Variants in TSEN54 observed in about 807,000 individuals in gnomAD.
TSEN54 encodes the protein tRNA splicing endonuclease subunit 54.
Under a neutral mutation model 61.9 loss-of-function variants are expected in TSEN54, and 55 were observed. The observed-to-expected ratio is 0.89, with a 90% CI of 0.72 to 1.11. TSEN54 has a LOEUF of 1.11. Ranked by LOEUF, TSEN54 falls within the 50% of genes most tolerant of loss-of-function variation. The probability of loss-of-function intolerance (pLI) is 0.00; values close to 1 mark genes in which losing one functional copy is unlikely to be tolerated. For synonymous variants in TSEN54, 304 were observed against 288.7 expected (o/e 1.05, Z -0.54); for missense variants, 760 against 687.7 (o/e 1.11, Z -1.18).
intron 8 of TSEN54, 189 bp downstream of exon 8, chr17:75,522,522 G>T: frequency 6.8e-7 from 1 of 1,467,330 alleles, no homozygotes; most frequent in Non-Finnish European, 9.0e-7. Flanking sequence ...CTTAGAGATG[G>T]TGAGTCAGGA....
At chr17:75,517,381 G>A (rs2053383720) in intron 4 of TSEN54, 137 bp downstream of exon 4, 2 of 1,194,874 alleles carry the variant, frequency 1.7e-6, no homozygotes, top group Admixed American at 1.9e-5. Context: ...GTGGTACGTT[G>A]CAGGGAGCAG....
At chr17:75,523,242 C>G in intron 8 of TSEN54, 33 bp from the exon 9 acceptor site, 1 of 1,614,032 alleles carries the variant, frequency 6.2e-7, no homozygotes. Flanking sequence ...TGTGACTCCC[C>G]TCCCCAGTAC....
At chr17:75,517,473 A>G in intron 4 of TSEN54, 84 bp from the exon 5 acceptor site, 6 of 1,272,854 alleles carry the variant, frequency 4.7e-6, no homozygotes, top group African/African-American at 1.5e-5. Context: ...GGGGAGGGGG[A>G]GGTATCAGAG....
chr17:75,518,143 A>G (rs2053392992), intron 5 of TSEN54, among the ~76,000 whole-genome samples: 1 of 152,218 alleles, frequency 6.6e-6, no homozygotes, highest in Non-Finnish European at 1.5e-5. Context: ...AGACCAGTCG[A>G]AAGAACTGTG....
In TSEN54 at chr17:75,516,746, C is replaced by T. The variant is rs779657660; in HGVS notation, c.57C>T (p.Ser19=). 6 of 1,559,912 alleles carry T rather than the reference C, an allele frequency of 3.8e-6. No homozygotes were observed. Among genetic ancestry groups the T allele is most frequent in the Non-Finnish European group, 5.2e-6 (6 of 1,161,708 alleles). Residue 19 remains serine, a splice_region_variant and synonymous_variant, in exon 2 of 11, where the codon AGC becomes AGT. Coordinates refer to ENST00000333213, the MANE Select transcript of TSEN54 (RefSeq NM_207346.3). ...GACCCCGCGTCCCCTTCTCCCCCAG[C>T]GCCCGGGAGCTCTTCGCCGCCCGCT... is the stretch of plus-strand genomic sequence containing the variant. The part of the protein sequence containing the change: ...AVEVPAGRVL[S]ARELFAARSR...
intron 6 of TSEN54, 75 bp downstream of exon 6, chr17:75,519,122 G>A: frequency 1.3e-6 from 2 of 1,548,504 alleles, no homozygotes; most frequent in Non-Finnish European, 1.8e-6. Context: ...GTAGAAAATG[G>A]CCTCTCCTTA....
rs200701234 is a variant in TSEN54 at position 75,523,334 on chromosome 17, C to G, written c.1312C>G (p.Arg438Gly). Residue 438 changes from arginine (R) to glycine (G), a missense_variant and splice_region_variant, in exon 9 of 11, where the codon CGG (arginine) becomes GGG (glycine). Physicochemically the swap from Arg to Gly is moderately radical, Grantham distance 125. This residue lies in a region of TSEN54 where 667 missense variants were observed against 577.8 expected (regional missense o/e 1.15). Transcript: ENST00000333213. ...AACACACCTTCCTGATGGAGGTGCC[C>G]GGTAAGTTTCCAAGCAGTGCCGTCT... is the stretch of plus-strand genomic sequence containing the variant. ...QTTHLPDGGARLLEKSGGLEI... is the reference protein window; with the variant it reads ...QTTHLPDGGAGLLEKSGGLEI... 6.2e-7 allele frequency: 1 copy of G among 1,613,980 alleles called. No individual in the cohort carries two copies. Among genetic ancestry groups the G allele is most frequent in the Non-Finnish European group, 8.5e-7 (1 of 1,179,998 alleles).
At position 75,516,795 on chromosome 17, in the gene TSEN54, C is replaced by A. The variant is rs772013549; in HGVS notation, c.106C>A (p.Arg36Ser). ...ARSRSQKLPQ[R>S]SHGPKDFLPD... ...CTCGCGGTCGCAGAAGCTGCCCCAGCGCTCGCATGGCCCCAAGGACTTTCT... is the reference window on the plus strand; with the variant it reads ...CTCGCGGTCGCAGAAGCTGCCCCAGAGCTCGCATGGCCCCAAGGACTTTCT... The change falls in exon 2 of 11, where the codon CGC becomes AGC. Residue 36 changes from arginine (R) to serine (S), a missense_variant. Physicochemically the swap from Arg to Ser is moderately radical, Grantham distance 110. Coordinates refer to ENST00000333213, the MANE Select transcript of TSEN54 (RefSeq NM_207346.3). 1 of 1,587,470 alleles carries A rather than the reference C, an allele frequency of 6.3e-7. No homozygotes were observed.
chr17:75,520,459 G>A lies in TSEN54; in HGVS notation c.522-950G>A, dbSNP rs187340065. Among the ~76,000 whole-genome samples, 555 of 149,208 alleles carry A rather than the reference G, an allele frequency of 3.7e-3. 8 individuals are homozygous for A. Among genetic ancestry groups the A allele is most frequent in the African/African-American group, 0.013 (520 of 40,386 alleles). ...AAATCAGCCAGGTGTGGTGGCAGGCGCCTATAGTCCCAGCTATTCAGGAGG... is the reference window on the plus strand; with the variant it reads ...AAATCAGCCAGGTGTGGTGGCAGGCACCTATAGTCCCAGCTATTCAGGAGG... On this transcript the variant is annotated intron_variant, in intron 6 of 10. Transcript: ENST00000333213.
chr17:75,522,413 C>A, intron 8 of TSEN54, 80 bp downstream of exon 8: 1 of 1,534,084 alleles, frequency 6.5e-7, no homozygotes, highest in Non-Finnish European at 8.7e-7. Flanking sequence ...CATGGATGAA[C>A]TGGGATGGAT....
At chr17:75,518,435 G>C in intron 5 of TSEN54, 2 of 769,964 alleles carry the variant, frequency 2.6e-6, no homozygotes, top group African/African-American at 1.9e-5. Context: ...AACCAAAGTC[G>C]CATCACAGAA....
Position 75,517,540 on chromosome 17 carries a change from G to C in TSEN54, c.370-17G>C. On this transcript the variant is annotated splice_polypyrimidine_tract_variant and intron_variant, in intron 4 of 10. Transcript: ENST00000333213. ...GTAGTGAGGGCTCATAAGCTGAGCT[G>C]TTGGCCCCACTTCCAGGGCTCCATC... is the stretch of plus-strand genomic sequence containing the variant. 1 of 1,609,434 alleles carries C rather than the reference G, an allele frequency of 6.2e-7. No homozygotes were observed. The highest frequency in any genetic ancestry group is 8.5e-7 in the Non-Finnish European group (1 of 1,176,188).
rs976111926 is a variant in TSEN54 at position 75,517,300 on chromosome 17, C to A, written c.369+56C>A. 11 of 1,539,512 alleles carry A rather than the reference C, an allele frequency of 7.1e-6. No individual in the cohort carries two copies. The Middle Eastern group carries it at 6.4e-4, about 89-fold the overall frequency. ...TTGGGACCAAAGAACGGGAAGGACACGTTTTATCGGAGAAAAAGCACACAC... is the reference window on the plus strand; with the variant it reads ...TTGGGACCAAAGAACGGGAAGGACAAGTTTTATCGGAGAAAAAGCACACAC... On this transcript the variant is annotated intron_variant, in intron 4 of 10. Transcript: ENST00000333213.
At chr17:75,516,932 G>A (rs767200511) in intron 2 of TSEN54, 22 bp downstream of exon 2, 5 of 1,545,314 alleles carry the variant, frequency 3.2e-6, no homozygotes, top group East Asian at 4.8e-5. Context: ...GGGCCCAGGG[G>A]TAAGGGAAGC....
In TSEN54 at chr17:75,516,558, G is replaced by C; in HGVS notation, c.-3G>C. ...GGCGCGCGCAGCGGCAGGCGGCGGC[G>C]GGATGGAGCCCGAGCCCGAGCCCGC... On this transcript the variant is annotated 5_prime_UTR_variant, in exon 1 of 11. Coordinates refer to ENST00000333213, the MANE Select transcript of TSEN54 (RefSeq NM_207346.3). The C allele has an allele frequency of 2.6e-6, 3 of 1,138,774 alleles. No individual in the cohort carries two copies. Among genetic ancestry groups the C allele is most frequent in the African/African-American group, 1.7e-5 (1 of 60,568 alleles). 70.5% of individuals were successfully genotyped at this position (1,138,774 alleles called of 1,614,324 possible). A position where few individuals can be genotyped will look rare whatever the true frequency, so the allele number is the denominator to read the frequency against.
intron 8 of TSEN54, 155 bp from the exon 9 acceptor site, chr17:75,523,120 A>G (rs1159249435): frequency 6.5e-6 from 6 of 928,540 alleles, no homozygotes; most frequent in Non-Finnish European, 8.7e-6. Context: ...CAGAGGTCAC[A>G]GTGAGCCAAG....
rs2053458057 is a variant in TSEN54, at chr17:75,523,668, T to TG, written c.1321dup (p.Glu441GlyfsTer11). 6.2e-7 allele frequency: 1 copy of TG among 1,614,078 alleles called. No homozygotes were observed. Among genetic ancestry groups the TG allele is most frequent in the African/African-American group, 1.3e-5 (1 of 74,932 alleles). ...GTTTCTCATTGTATTGTCAGGCTGT[T>TG]GGAGAAGTCTGGGGGCTTGGAAATC... On this transcript the variant is annotated frameshift_variant, in exon 10 of 11. Transcript: ENST00000333213. LOFTEE classifies it high-confidence loss of function.
Position 75,523,715 on chromosome 17 carries a change from G to A in TSEN54, c.1366G>A (p.Asp456Asn), listed in dbSNP as rs149201295. ...LEIIFDVYQADAVATFRKNNP... is the reference protein window; with the variant it reads ...LEIIFDVYQANAVATFRKNNP... ...AATCATCTTTGATGTTTACCAGGCC[G>A]ACGCTGTGGCCACATTCCGAAAGAA... The change falls in exon 10 of 11, where the codon GAC becomes AAC. Residue 456 changes from aspartate to asparagine, a missense_variant. By Grantham distance (23) the Asp-to-Asn change is conservative (BLOSUM62 1). Transcript: ENST00000333213. 3.1e-6 allele frequency: 5 copies of A among 1,613,954 alleles called. No homozygotes were observed. The highest frequency in any genetic ancestry group is 2.7e-5 in the African/African-American group (2 of 74,904).
intron 10 of TSEN54, 111 bp from the exon 11 acceptor site, chr17:75,524,151 T>C: frequency 6.8e-7 from 1 of 1,478,426 alleles, no homozygotes; most frequent in Non-Finnish European, 9.4e-7. Context: ...ACAGAACTCA[T>C]GGGTCAGAAT....
Sources: allele counts gnomAD v4.1 joint callset (sites outside exome capture counted in the v4.1 genomes callset), GRCh38; gene constraint gnomAD v4.1.1; regional missense constraint gnomAD v4.1.1; transcripts MANE v1.5; gene names NCBI Gene and HGNC (gene_info 2026-07-23, HGNC 2026-07-21).